IPO8: variants seen among roughly 807,000 people sequenced by gnomAD.
IPO8 encodes importin-8.
IPO8 carries 65 observed loss-of-function variants against 141.2 expected under a neutral mutation model. The ratio of observed to expected loss-of-function variants is 0.46; its 90% CI spans 0.38 to 0.57. The LOEUF (loss-of-function observed/expected upper bound fraction) is 0.57, where lower values mean the gene tolerates loss of function less well. IPO8 is among the 20% of genes least tolerant of loss of function. The pLI, the probability that IPO8 is intolerant of heterozygous loss-of-function variation, is 0.00. For synonymous variants in IPO8, 411 were observed against 420.3 expected (o/e 0.98, Z 0.27); for missense variants, 980 against 1,246.8 (o/e 0.79, Z 3.22).
rs1322729997 is a variant in IPO8, at chr12:30,652,872, C to G, written c.2074+95G>C. 5 of 1,151,970 alleles carry G rather than the reference C, an allele frequency of 4.3e-6. No homozygotes were observed. The Admixed American group carries it at 9.5e-5, about 22-fold the overall frequency. 71.4% of individuals were successfully genotyped at this position (1,151,970 alleles called of 1,614,324 possible). On this transcript the variant is annotated intron_variant, in intron 18 of 24. Coordinates refer to ENST00000256079, the MANE Select transcript of IPO8 (RefSeq NM_006390.4). Reference sequence around the variant, plus strand: ...CCGGGAAATAAAAACATTTTCTGATCAATATTGGAATCATATGTGTTTTTA... The same window carrying G: ...CCGGGAAATAAAAACATTTTCTGATGAATATTGGAATCATATGTGTTTTTA...
intron 20 of IPO8, 28 bp from the exon 21 acceptor site, chr12:30,639,763 C>G (rs556566621): frequency 1.9e-6 from 3 of 1,548,028 alleles, no homozygotes; most frequent in Non-Finnish European, 2.7e-6. Flanking sequence ...GAAAGTCAAC[C>G]ACACAGACAG....
At chr12:30,657,828 A>G (rs2052822545) in intron 16 of IPO8, among the ~76,000 whole-genome samples, 1 of 152,196 alleles carries the variant, frequency 6.6e-6, no homozygotes, top group South Asian at 2.1e-4. Flanking sequence ...TCATTTTCGT[A>G]AAAGAAAAAT....
At chr12:30,655,815 G>T (rs1006317665) in intron 17 of IPO8, among the ~76,000 whole-genome samples, 6 of 152,170 alleles carry the variant, frequency 3.9e-5, no homozygotes, top group African/African-American at 1.4e-4. Context: ...AAAAAGCCTG[G>T]AGACAACTGC....
chr12:30,685,283 G>T (rs2053228830), intron 2 of IPO8, among the ~76,000 whole-genome samples: 1 of 151,864 alleles, frequency 6.6e-6, no homozygotes. Flanking sequence ...GGGATTACAG[G>T]CATGTGCCAC....
intron 16 of IPO8, among the ~76,000 whole-genome samples, chr12:30,660,571 T>C (rs1235924371): frequency 6.6e-6 from 1 of 152,218 alleles, no homozygotes; most frequent in Non-Finnish European, 1.5e-5. Context: ...GTGGCACCAG[T>C]AAGATCATAT....
At chr12:30,659,504 C>CAA (rs111943394) in intron 16 of IPO8, among the ~76,000 whole-genome samples, 1,794 of 139,478 alleles carry the variant, frequency 0.013, 29 homozygotes, top group African/African-American at 0.039. Flanking sequence ...AACAAATAAA[C>CAA]AAAAAAAAAA....
chr12:30,647,331 A>G (rs3910563), intron 20 of IPO8, among the ~76,000 whole-genome samples: 84,884 of 151,932 alleles, frequency 0.56, 24,638 homozygotes, highest in African/African-American at 0.71. Flanking sequence ...ACCTAAATAT[A>G]AGAAAAAAAC....
At chr12:30,663,444 A>C (rs2052916723) in intron 14 of IPO8, 45 bp downstream of exon 14, 2 of 1,516,452 alleles carry the variant, frequency 1.3e-6, no homozygotes, top group African/African-American at 1.4e-5. Flanking sequence ...GAAGAAAGTA[A>C]ATGAAATTAT....
intron 1 of IPO8, among the ~76,000 whole-genome samples, chr12:30,690,841 A>G (rs2053284982): frequency 6.6e-6 from 1 of 152,204 alleles, no homozygotes; most frequent in Non-Finnish European, 1.5e-5. Context: ...TAGTATACCA[A>G]TTTACACTCC....
intron 20 of IPO8, among the ~76,000 whole-genome samples, chr12:30,647,295 C>G (rs1161771158): frequency 6.6e-6 from 1 of 151,934 alleles, no homozygotes; most frequent in Admixed American, 6.6e-5. Flanking sequence ...ACATTATGTA[C>G]AAAAATTAAC....
intron 2 of IPO8, among the ~76,000 whole-genome samples, chr12:30,687,913 A>T (rs1476887779): frequency 1.3e-5 from 2 of 152,186 alleles, no homozygotes; most frequent in East Asian, 3.9e-4. Flanking sequence ...TATAGAAATC[A>T]AAAACCATGC....
chr12:30,640,617 T>G (rs1489616200), intron 20 of IPO8, among the ~76,000 whole-genome samples: 1 of 152,198 alleles, frequency 6.6e-6, no homozygotes, highest in Non-Finnish European at 1.5e-5. Context: ...GTGTTCTAAT[T>G]TGAGATAACA....
At chr12:30,634,345 T>C (rs2052474142) in intron 22 of IPO8, 59 bp from the exon 23 acceptor site, 2 of 1,417,160 alleles carry the variant, frequency 1.4e-6, no homozygotes, top group African/African-American at 1.4e-5. Flanking sequence ...AATATAAAAC[T>C]TCACGACAAA....
At position 30,636,851 on chromosome 12, in the gene IPO8, A is replaced by G. The variant is rs1287537486; in HGVS notation, c.2695+131T>C. 55 of 770,116 alleles carry G rather than the reference A, an allele frequency of 7.1e-5. No homozygotes were observed. The South Asian group carries it at 9.8e-4, about 14-fold the overall frequency. 47.7% of individuals were successfully genotyped at this position (770,116 alleles called of 1,614,324 possible). On this transcript the variant is annotated intron_variant, in intron 22 of 24. Coordinates refer to ENST00000256079, the MANE Select transcript of IPO8 (RefSeq NM_006390.4). ...TAATAGCAAGTCAACCAAGCCCAAAATATTTGTTATATGTGTAGCAGGCCG... is the reference window on the plus strand; with the variant it reads ...TAATAGCAAGTCAACCAAGCCCAAAGTATTTGTTATATGTGTAGCAGGCCG...
chr12:30,648,408 GC>G (rs1436813505), intron 20 of IPO8, among the ~76,000 whole-genome samples: 3 of 152,204 alleles, frequency 2.0e-5, no homozygotes, highest in African/African-American at 7.2e-5. Context: ...GTTGCCCAGA[GC>G]TTGGGGCGAG....
intron 19 of IPO8, 65 bp downstream of exon 19, chr12:30,652,127 T>C (rs975362545): frequency 1.2e-6 from 1 of 848,702 alleles, no homozygotes. Flanking sequence ...TGAAAAAGTA[T>C]CCTGAAGCAA....
In IPO8 at chr12:30,632,009, C is replaced by T. The variant is rs377285436; in HGVS notation, c.2902G>A (p.Val968Met). 5.9e-5 allele frequency: 95 copies of T among 1,609,120 alleles called. No homozygotes were observed. The highest frequency in any genetic ancestry group is 7.6e-5 in the Non-Finnish European group (90 of 1,177,882). ...YQFFTQALIT[V>M]QSRDAAWYQL... The stretch of plus-strand genomic sequence containing the variant: ...TACCAGGCTGCATCTCGACTCTGCA[C>T]AGCTGTTGCATTTTGGGAGGAAAAG... Residue 968 changes from valine (V) to methionine (M), a missense_variant and splice_region_variant, in exon 24 of 25, where the codon GTG (valine) becomes ATG (methionine). Transcript: ENST00000256079.
chr12:30,679,689 T>A (rs2053164781), intron 5 of IPO8, among the ~76,000 whole-genome samples: 1 of 152,120 alleles, frequency 6.6e-6, no homozygotes, highest in East Asian at 1.9e-4. Context: ...TTTGAAATAG[T>A]TTAAGTATCT....
At chr12:30,655,195 C>T (rs547335357) in intron 17 of IPO8, among the ~76,000 whole-genome samples, 3 of 152,202 alleles carry the variant, frequency 2.0e-5, no homozygotes, top group South Asian at 2.1e-4. Flanking sequence ...TGTATAGTGA[C>T]GTATTCATCA....
Sources: gnomAD v4.1 joint callset for allele counts (sites outside exome capture counted in the v4.1 genomes callset) on GRCh38, gnomAD v4.1.1 for gene constraint, MANE v1.5 for transcripts, NCBI Gene and HGNC (gene_info 2026-07-23, HGNC 2026-07-21) for gene names.